GATA2: variants seen among roughly 807,000 people sequenced by gnomAD.
The protein encoded by GATA2 is GATA binding protein 2, also known as endothelial transcription factor GATA-2.
GATA2 carries 6 observed loss-of-function variants against 35.7 expected under a neutral mutation model. The observed-to-expected ratio is 0.17, with a 90% CI of 0.09 to 0.33. The LOEUF is 0.33. GATA2 is among the 10% of genes least tolerant of loss of function. The probability of loss-of-function intolerance (pLI) is 1.00; values close to 1 mark genes in which losing one functional copy is unlikely to be tolerated. For missense variants in GATA2, 541 were observed against 656.6 expected (o/e 0.82, Z 1.92); for synonymous variants, 313 against 274.9 (o/e 1.14, Z -1.37).
Position 128,488,175 on chromosome 3 carries a change from C to T in GATA2, c.-45-1099G>A, listed in dbSNP as rs1452268138. The stretch of plus-strand genomic sequence containing the variant: ...CCAAGGCCCGACCCCTGCAGCCCCT[C>T]TTGCGAACACTCCGGGATCCCTCGA... On this transcript the variant is annotated intron_variant, in intron 1 of 5. Transcript: ENST00000341105. This position sits in a 1 kb window ranked among gnomAD's most constrained non-coding sequence, Gnocchi z 5.8. Among the ~76,000 whole-genome samples, 1 of 152,138 alleles carries T rather than the reference C, an allele frequency of 6.6e-6. No homozygotes were observed. The highest frequency in any genetic ancestry group is 1.5e-5 in the Non-Finnish European group (1 of 68,006).
At chr3:128,481,749 T>C in intron 5 of GATA2, 70 bp downstream of exon 5, 1 of 1,551,902 alleles carries the variant, frequency 6.4e-7, no homozygotes. Flanking sequence ...GGCTGGGGCC[T>C]CTTGCCTGGC....
At chr3:128,489,622 G>A (rs1369677935) in intron 1 of GATA2, 1 of 152,110 alleles carries the variant, frequency 6.6e-6, no homozygotes, top group Non-Finnish European at 1.5e-5. Flanking sequence ...GGGGCGGGAG[G>A]CCGAGCGCGA....
chr3:128,487,034 C>CCGG lies in GATA2; in HGVS notation c.-6_-4dup, dbSNP rs763386789. The CCGG allele has an allele frequency of 9.6e-6, 15 of 1,567,086 alleles. No individual in the cohort carries two copies. In the Admixed American group the frequency reaches 1.1e-4, roughly 12 times the overall value. ...GGCTGCTCGGGCGCCACCTCCATGG[C>CCGG]CGGCGGCGGCGGCTCAGGGTCTGGG... is the stretch of plus-strand genomic sequence containing the variant. On this transcript the variant is annotated 5_prime_UTR_variant, in exon 2 of 6. Coordinates refer to ENST00000341105, the MANE Select transcript of GATA2 (RefSeq NM_032638.5).
Position 128,483,155 on chromosome 3 carries a change from C to T in GATA2, c.1017+705G>A, listed in dbSNP as rs559885945. On this transcript the variant is annotated intron_variant, in intron 4 of 5. Coordinates refer to ENST00000341105, the MANE Select transcript of GATA2 (RefSeq NM_032638.5). ...ACGATTTAAGCCTCATAAATCACTT[C>T]GCCCTGAAAAAATATATTTATTATT... Among the ~76,000 whole-genome samples, 32 of 152,246 alleles carry T rather than the reference C, an allele frequency of 2.1e-4. No homozygotes were observed. Among genetic ancestry groups the T allele is most frequent in the Non-Finnish European group, 4.0e-4 (27 of 68,050 alleles).
In GATA2 at chr3:128,486,054, A is replaced by G. The variant is rs1294359651; in HGVS notation, c.544T>C (p.Ser182Pro). 12 of 1,614,018 alleles carry G rather than the reference A, an allele frequency of 7.4e-6. No homozygotes were observed. The highest frequency in any genetic ancestry group is 1.0e-5 in the Non-Finnish European group (12 of 1,179,990). Residue 182 changes from serine to proline, a missense_variant, in exon 3 of 6, where the codon TCT becomes CCT. This residue lies in a region of GATA2 where 389 missense variants were observed against 396.9 expected (regional missense o/e 0.98). Transcript: ENST00000341105. ...GFPPTPPKEV[S>P]PDPSTTGAAS... ...GCCCCCGTGGTGCTAGGGTCAGGAG[A>G]CACTTCTTTGGGTGGCGTGGGTGGG...
rs943786910 is a variant in GATA2, at chr3:128,479,879, T to C, written c.*1140A>G. 1.3e-5 allele frequency: 3 copies of C among 232,846 alleles called. No individual in the cohort carries two copies. The highest frequency in any genetic ancestry group is 2.5e-5 in the Non-Finnish European group (3 of 117,872). The allele number at this position is 232,846 out of a possible 1,614,324, so 14.4% of individuals were successfully genotyped here. ...GACACAGCCTCTCCCTGGGTCCTGG[T>C]CCTGACCTGCCCCCAACTCCTGCCT... On this transcript the variant is annotated 3_prime_UTR_variant, in exon 6 of 6. Transcript: ENST00000341105.
At position 128,486,787 on chromosome 3, in the gene GATA2, C is replaced by T; in HGVS notation, c.229+16G>A. ...CGCGGCGCCTGGGTTCTCATCACCACGGGCCCAGTGCTCACCGTGCGCGGG... is the reference window on the plus strand; with the variant it reads ...CGCGGCGCCTGGGTTCTCATCACCATGGGCCCAGTGCTCACCGTGCGCGGG... On this transcript the variant is annotated intron_variant, in intron 2 of 5. Coordinates refer to ENST00000341105, the MANE Select transcript of GATA2 (RefSeq NM_032638.5). 6.3e-7 allele frequency: 1 copy of T among 1,585,598 alleles called. No homozygotes were observed. Among genetic ancestry groups the T allele is most frequent in the African/African-American group, 1.3e-5 (1 of 74,856 alleles).
intron 1 of GATA2, among the ~76,000 whole-genome samples, chr3:128,487,506 G>A (rs544252118): frequency 2.0e-3 from 302 of 152,178 alleles, no homozygotes; most frequent in African/African-American, 7.1e-3. Flanking sequence ...CACACTTGGC[G>A]CCAGATACAC....
At chr3:128,487,145 G>A (rs1385221668) in intron 1 of GATA2, 69 bp from the exon 2 acceptor site, 2 of 838,798 alleles carry the variant, frequency 2.4e-6, no homozygotes, top group South Asian at 1.8e-5. Context: ...ACCACGAGGT[G>A]TCCCGCACGC....
At chr3:128,487,726 G>C (rs1030562481) in intron 1 of GATA2, 2 of 152,542 alleles carry the variant, frequency 1.3e-5, no homozygotes, top group Admixed American at 1.3e-4. Flanking sequence ...CAGCCGTGGG[G>C]AGGGGAGGGA....
chr3:128,486,904 T>C lies in GATA2; in HGVS notation c.128A>G (p.Asp43Gly). The change falls in exon 2 of 6, where the codon GAC (aspartate) becomes GGC (glycine). Residue 43 changes from aspartate to glycine, a missense_variant. Around this residue, in one of 5 missense-constraint regions of GATA2, gnomAD observed 389 missense variants for 396.9 expected, o/e 0.98. Transcript: ENST00000341105. ...YMEPAQLLPP[D>G]EVDVFFNHLD... ...GTGATTGAAGAAGACGTCCACCTCGTCTGGAGGCAGCAGCTGCGCGGGTTC... is the reference window on the plus strand; with the variant it reads ...GTGATTGAAGAAGACGTCCACCTCGCCTGGAGGCAGCAGCTGCGCGGGTTC... 1 of 1,612,852 alleles carries C rather than the reference T, an allele frequency of 6.2e-7. No homozygotes were observed. Among genetic ancestry groups the C allele is most frequent in the South Asian group, 1.1e-5 (1 of 90,682 alleles).
At position 128,487,093 on chromosome 3, in the gene GATA2, G is replaced by A. The variant is rs954922007; in HGVS notation, c.-45-17C>T. 2.2e-6 allele frequency: 3 copies of A among 1,385,670 alleles called. No homozygotes were observed. Among genetic ancestry groups the A allele is most frequent in the South Asian group, 1.3e-5 (1 of 74,170 alleles). 85.8% of individuals were successfully genotyped at this position (1,385,670 alleles called of 1,614,324 possible). ...GCAACGGCCCTGCGCGAGGAAGGGGGAGTGAGGCGTGCCGCCAGCGCCTGA... is the reference window on the plus strand; with the variant it reads ...GCAACGGCCCTGCGCGAGGAAGGGGAAGTGAGGCGTGCCGCCAGCGCCTGA... On this transcript the variant is annotated splice_polypyrimidine_tract_variant and intron_variant, in intron 1 of 5. Transcript: ENST00000341105.
intron 4 of GATA2, among the ~76,000 whole-genome samples, chr3:128,482,752 G>A (rs1325888836): frequency 2.6e-5 from 4 of 152,140 alleles, no homozygotes; most frequent in Admixed American, 6.5e-5. Context: ...GGAAATGAGC[G>A]CCTGGTCCTT....
chr3:128,482,559 T>G (rs1184572155), intron 4 of GATA2, among the ~76,000 whole-genome samples: 2 of 152,206 alleles, frequency 1.3e-5, no homozygotes, highest in Non-Finnish European at 2.9e-5. Flanking sequence ...TGATCAATAT[T>G]CACATGTGGC....
In GATA2 at chr3:128,483,926, A is replaced by G. The variant is rs764164388; in HGVS notation, c.951T>C (p.Asn317=). The G allele has an allele frequency of 6.2e-7, 1 of 1,614,146 alleles. No individual in the cohort carries two copies. Among genetic ancestry groups the G allele is most frequent in the South Asian group, 1.1e-5 (1 of 91,082 alleles). The part of the protein sequence containing the change: ...RRDGTGHYLC[N]ACGLYHKMNG... ...TCATCTTGTGGTAGAGGCCACAGGC[A>G]TTGCACAGGTAGTGGCCGGTGCCGT... The change falls in exon 4 of 6, where the codon AAT becomes AAC. Residue 317 remains asparagine, a synonymous_variant. Coordinates refer to ENST00000341105, the MANE Select transcript of GATA2 (RefSeq NM_032638.5).
chr3:128,486,229 CT>C lies in GATA2; in HGVS notation c.368del (p.Lys123ArgfsTer95). 1 of 1,561,992 alleles carries C rather than the reference CT, an allele frequency of 6.4e-7. No homozygotes were observed. On this transcript the variant is annotated frameshift_variant, in exon 3 of 6. Coordinates refer to ENST00000341105, the MANE Select transcript of GATA2 (RefSeq NM_032638.5). LOFTEE classifies it high-confidence loss of function. ...CAGCAGCTGAGGGGTGCAGTGGCGT[CT>C]TGGAGAAGGGGCTCACGGTCCAGGG... Reference protein sequence around the residue: ...HNPWTVSPFSKTPLHPSAAGG... With the variant: ...HNPWTVSPFSXTPLHPSAAGG...
Position 128,491,220 on chromosome 3 carries a change from C to CA in GATA2, c.-46+1678_-46+1679insT, listed in dbSNP as rs1559990089. The stretch of plus-strand genomic sequence containing the variant: ...CCCCGGCCGTCCAGCCCCCCCCCCC[C>CA]TCTGAGCCCTTTGTTTAAAGTTAGC... On this transcript the variant is annotated intron_variant, in intron 1 of 5. Transcript: ENST00000341105. Among the ~76,000 whole-genome samples the CA allele has an allele frequency of 3.6e-5, 4 of 112,212 alleles. 1 individual carries two copies. Among genetic ancestry groups the CA allele is most frequent in the African/African-American group, 1.6e-4 (4 of 25,806 alleles). The allele number at this position is 112,212 out of a possible 152,430, so 73.6% of individuals were successfully genotyped here.
At chr3:128,490,602 A>T (rs1200316270) in intron 1 of GATA2, 1 of 152,250 alleles carries the variant, frequency 6.6e-6, no homozygotes, top group Non-Finnish European at 1.5e-5. Flanking sequence ...TGCGACGCCA[A>T]GTAGCAGGGC....
At chr3:128,491,567 G>T (rs926163001) in intron 1 of GATA2, among the ~76,000 whole-genome samples, 2 of 152,178 alleles carry the variant, frequency 1.3e-5, no homozygotes, top group African/African-American at 2.4e-5. Flanking sequence ...GGTTCCCAAG[G>T]GGGGGACTAC....
Sources: gnomAD v4.1 joint callset for allele counts (sites outside exome capture counted in the v4.1 genomes callset) on GRCh38, gnomAD v4.1.1 for gene constraint, gnomAD v4.1.1 regional missense constraint, Gnocchi (gnomAD v3.1) non-coding constraint, MANE v1.5 for transcripts, NCBI Gene and HGNC (gene_info 2026-07-23, HGNC 2026-07-21) for gene names.